The following RPSA2 variants were observed in gnomAD, a reference collection of about 807,000 sequenced individuals.
The protein encoded by RPSA2 is small ribosomal subunit protein uS2B.
chr19:23,842,567 G>T, the RPSA2 span: 2 of 152,680 alleles, frequency 1.3e-5, no homozygotes, highest in Non-Finnish European at 1.5e-5. Context: ...AACTTTCAAG[G>T]CTGTGGCCAT....
the RPSA2 span, among the ~76,000 whole-genome samples, chr19:23,857,480 A>G: frequency 7.0e-6 from 1 of 142,930 alleles, no homozygotes; most frequent in South Asian, 2.2e-4. Context: ...AAGTCTTTTT[A>G]AAGTCTTTTT....
At chr19:23,847,765 A>G in the RPSA2 span, among the ~76,000 whole-genome samples, 1 of 152,156 alleles carries the variant, frequency 6.6e-6, no homozygotes, top group Non-Finnish European at 1.5e-5. Flanking sequence ...TACTTATCTC[A>G]AACACATAGG....
chr19:23,840,802 C>CA, the RPSA2 span, among the ~76,000 whole-genome samples: 144,064 of 149,448 alleles, frequency 0.96, 69,492 homozygotes, highest in Middle Eastern at 1. Flanking sequence ...TACTAAAATA[C>CA]AAAAAAAAAA....
chr19:23,869,950 T>G, the RPSA2 span, among the ~76,000 whole-genome samples: 1 of 152,238 alleles, frequency 6.6e-6, no homozygotes, highest in South Asian at 2.1e-4. Flanking sequence ...CAATACTCAA[T>G]TGACCTTAAA....
At chr19:23,827,996 G>T in the RPSA2 span, 2 of 803,062 alleles carry the variant, frequency 2.5e-6, no homozygotes, top group African/African-American at 3.4e-5. Context: ...CTGGTCTGCA[G>T]CTCCCACTGC....
the RPSA2 span, among the ~76,000 whole-genome samples, chr19:23,774,034 A>C: frequency 6.6e-6 from 1 of 152,326 alleles, no homozygotes; most frequent in South Asian, 2.1e-4. Flanking sequence ...GAATAGTGAC[A>C]TATTGCTGAA....
the RPSA2 span, among the ~76,000 whole-genome samples, chr19:23,853,670 T>A: frequency 6.6e-6 from 1 of 152,206 alleles, no homozygotes; most frequent in Non-Finnish European, 1.5e-5. Flanking sequence ...TTTCATTATA[T>A]GTTGGGTGGG....
the RPSA2 span, chr19:23,833,022 C>T: frequency 7.5e-7 from 1 of 1,331,854 alleles, no homozygotes; most frequent in South Asian, 1.5e-5. Flanking sequence ...TTTTTGCTAA[C>T]CATAAGAGAA....
chr19:23,771,512 A>G, the RPSA2 span, among the ~76,000 whole-genome samples: 1 of 152,188 alleles, frequency 6.6e-6, no homozygotes, highest in Non-Finnish European at 1.5e-5. Context: ...CTTCATCCAG[A>G]TGTGATTGTG....
At chr19:23,780,146 T>G in the RPSA2 span, among the ~76,000 whole-genome samples, 1 of 152,130 alleles carries the variant, frequency 6.6e-6, no homozygotes, top group Non-Finnish European at 1.5e-5. Context: ...CTCCTCTCTG[T>G]ATGAAGGTTA....
At chr19:23,868,544 C>T in the RPSA2 span, among the ~76,000 whole-genome samples, 2 of 152,256 alleles carry the variant, frequency 1.3e-5, no homozygotes, top group Non-Finnish European at 2.9e-5. Context: ...CCAGCCACCA[C>T]CTCAAACAAA....
the RPSA2 span, chr19:23,827,075 A>G: frequency 1.4e-6 from 1 of 733,304 alleles, no homozygotes; most frequent in South Asian, 1.5e-5. Flanking sequence ...TACAGTAACA[A>G]TGCTGCAGCT....
At chr19:23,786,103 G>A in the RPSA2 span, among the ~76,000 whole-genome samples, 3 of 152,150 alleles carry the variant, frequency 2.0e-5, no homozygotes, top group South Asian at 2.1e-4. Context: ...GTACTTTAGC[G>A]GGTGAAAATT....
chr19:23,866,590 C>T, the RPSA2 span, among the ~76,000 whole-genome samples: 2 of 146,814 alleles, frequency 1.4e-5, no homozygotes, highest in African/African-American at 5.0e-5. Flanking sequence ...CTCACCGATG[C>T]CACTCAAAAT....
the RPSA2 span, among the ~76,000 whole-genome samples, chr19:23,771,052 A>C: frequency 5.9e-5 from 9 of 152,168 alleles, no homozygotes; most frequent in Admixed American, 2.0e-4. Flanking sequence ...TCTTTGTATG[A>C]AGGTCATAAA....
At chr19:23,841,347 C>T in the RPSA2 span, among the ~76,000 whole-genome samples, 2 of 152,046 alleles carry the variant, frequency 1.3e-5, no homozygotes, top group African/African-American at 4.8e-5. Flanking sequence ...ACCTGTAGTC[C>T]CAGCTACTCG....
At chr19:23,759,387 G>A in the RPSA2 span, among the ~76,000 whole-genome samples, 1 of 151,764 alleles carries the variant, frequency 6.6e-6, no homozygotes, top group Non-Finnish European at 1.5e-5. Context: ...GAGGTGGTGG[G>A]GATTGTAGAT....
At chr19:23,813,337 T>C in the RPSA2 span, among the ~76,000 whole-genome samples, 110 of 151,996 alleles carry the variant, frequency 7.2e-4, no homozygotes, top group African/African-American at 2.5e-3. Flanking sequence ...TAAGACTCAA[T>C]ATCCATTAAA....
chr19:23,806,268 C>T, the RPSA2 span, among the ~76,000 whole-genome samples: 4 of 151,822 alleles, frequency 2.6e-5, no homozygotes, highest in Admixed American at 2.6e-4. Flanking sequence ...TGGTCTCAAA[C>T]TCCTGACCAC....
Sources: gnomAD v4.1 joint callset for allele counts (sites outside exome capture counted in the v4.1 genomes callset) on GRCh38, gnomAD v4.1.1 for gene constraint, MANE v1.5 for transcripts, NCBI Gene and HGNC (gene_info 2026-07-23, HGNC 2026-07-21) for gene names.